Variants in FRK observed in about 807,000 individuals in gnomAD.
The protein encoded by FRK is fyn related Src family tyrosine kinase.
A neutral mutation model predicts 56.4 loss-of-function variants in FRK; 51 were observed. The ratio of observed to expected loss-of-function variants is 0.90; its 90% CI spans 0.72 to 1.14. The LOEUF is 1.14. Among genes scored for constraint, FRK ranks in the 50% most tolerant of loss-of-function variants. The probability of loss-of-function intolerance (pLI) is 0.00; values close to 1 mark genes in which losing one functional copy is unlikely to be tolerated. For synonymous variants in FRK, 245 were observed against 217.9 expected, an observed-to-expected ratio of 1.12 and a Z score of -1.10; for missense variants, 570 against 601.4, an observed-to-expected ratio of 0.95 and a Z score of 0.55.
At chr6:116,080,532 C>T in the FRK span, among the ~76,000 whole-genome samples, 1 of 152,198 alleles carries the variant, frequency 6.6e-6, no homozygotes, top group African/African-American at 2.4e-5. Context: ...AAATGTTAAA[C>T]TTCTATAACA....
rs34026302 is a variant in FRK, at chr6:115,953,180, A to ACTTTTTTTTTTTTTTTTTTTTTTTT, written c.958+3271_958+3272insAAAAAAAAAAAAAAAAAAAAAAAAG. ...AGAGTGGTACATCCATTTTAAGGCC[A>ACTTTTTTTTTTTTTTTTTTTTTTTT]TTTTTTTTTTTTTTTTTTTTTTTTT... On this transcript the variant is annotated intron_variant, in intron 5 of 7. Coordinates refer to ENST00000606080, the MANE Select transcript of FRK (RefSeq NM_002031.3). Among the ~76,000 whole-genome samples, 11 of 104,032 alleles carry ACTTTTTTTTTTTTTTTTTTTTTTTT rather than the reference A, an allele frequency of 1.1e-4. 5 individuals carry two copies. The highest frequency in any genetic ancestry group is 1.8e-4 in the African/African-American group (5 of 27,214). The allele number at this position is 104,032 out of a possible 152,430, so 68.2% of individuals were successfully genotyped here. A position where few individuals can be genotyped will look rare whatever the true frequency, so the allele number is the denominator to read the frequency against.
intron 2 of FRK, among the ~76,000 whole-genome samples, chr6:115,970,043 G>C (rs1391570404): frequency 6.6e-6 from 1 of 151,952 alleles, no homozygotes; most frequent in Non-Finnish European, 1.5e-5. Context: ...TCAATGATTA[G>C]TCAGGCTGGT....
the FRK span, among the ~76,000 whole-genome samples, chr6:116,074,628 A>G: frequency 6.6e-6 from 1 of 152,014 alleles, no homozygotes; most frequent in East Asian, 1.9e-4. Flanking sequence ...AGGACCATCC[A>G]TATATATCAA....
the FRK span, among the ~76,000 whole-genome samples, chr6:116,066,842 T>C: frequency 6.6e-6 from 1 of 152,186 alleles, no homozygotes; most frequent in East Asian, 1.9e-4. Flanking sequence ...ACCTAAATAA[T>C]GTATCATTAA....
the FRK span, among the ~76,000 whole-genome samples, chr6:116,075,080 CTG>C: frequency 2.6e-5 from 4 of 152,116 alleles, no homozygotes; most frequent in Non-Finnish European, 4.4e-5. Context: ...CAAGGCCCCT[CTG>C]ATTCTCTTTT....
At chr6:116,051,720 A>G (rs1357546403) in intron 1 of FRK, among the ~76,000 whole-genome samples, 1 of 152,158 alleles carries the variant, frequency 6.6e-6, no homozygotes, top group Non-Finnish European at 1.5e-5. Flanking sequence ...TTCAATGCTA[A>G]GAAGAGCTAA....
intron 1 of FRK, among the ~76,000 whole-genome samples, chr6:116,033,938 TG>T (rs374147965): frequency 1.1e-4 from 16 of 152,174 alleles, no homozygotes; most frequent in African/African-American, 3.6e-4. Context: ...GGTTCATTTG[TG>T]GACACTGCTG....
intron 1 of FRK, among the ~76,000 whole-genome samples, chr6:116,008,396 C>T (rs984540853): frequency 9.2e-5 from 14 of 152,146 alleles, no homozygotes; most frequent in Admixed American, 1.3e-4. Flanking sequence ...TGACTGAATG[C>T]ATCAATTCAC....
chr6:116,082,665 T>G, the FRK span, among the ~76,000 whole-genome samples: 5 of 152,310 alleles, frequency 3.3e-5, no homozygotes, highest in East Asian at 9.7e-4. Context: ...AGAGTTTCTA[T>G]TAACTAGCTC....
chr6:116,093,730 T>C, the FRK span, among the ~76,000 whole-genome samples: 1 of 152,308 alleles, frequency 6.6e-6, no homozygotes, highest in South Asian at 2.1e-4. Flanking sequence ...TGCAATGATG[T>C]CCACCATAAC....
In FRK at chr6:115,937,856, A is replaced by G. The variant is rs1254788332; in HGVS notation, c.*4558T>C. 6.6e-6 allele frequency: 1 copy of G among 152,256 alleles called. No individual in the cohort carries two copies. The highest frequency in any genetic ancestry group is 2.4e-5 in the African/African-American group (1 of 41,474). 9.4% of individuals were successfully genotyped at this position (152,256 alleles called of 1,614,324 possible). A position where few individuals can be genotyped will look rare whatever the true frequency, so the allele number is the denominator to read the frequency against. On this transcript the variant is annotated 3_prime_UTR_variant, in exon 8 of 8. Coordinates refer to ENST00000606080, the MANE Select transcript of FRK (RefSeq NM_002031.3). ...TTCTTAGAGAACTACAAAGAGACTT[A>G]GACTCCCACACAATAATAGTGGGAA...
intron 1 of FRK, among the ~76,000 whole-genome samples, chr6:116,025,312 T>G (rs1337243404): frequency 6.6e-6 from 1 of 152,208 alleles, no homozygotes; most frequent in Admixed American, 6.5e-5. Flanking sequence ...ATATTTGTTA[T>G]GAAAAGTTAT....
rs1329523311 is a variant in FRK at position 115,938,495 on chromosome 6, T to G, written c.*3919A>C. The G allele has an allele frequency of 6.6e-6, 1 of 152,132 alleles. No individual in the cohort carries two copies. Among genetic ancestry groups the G allele is most frequent in the East Asian group, 1.9e-4 (1 of 5,196 alleles). The allele number at this position is 152,132 out of a possible 1,614,324, so 9.4% of individuals were successfully genotyped here. On this transcript the variant is annotated 3_prime_UTR_variant, in exon 8 of 8. Transcript: ENST00000606080. ...AAGATCAGAACAGAACTGAAGGTGA[T>G]AGAGACATGAAAAACCTTTCAAAAA... is the stretch of plus-strand genomic sequence containing the variant.
the FRK span, among the ~76,000 whole-genome samples, chr6:116,082,200 G>C: frequency 6.6e-6 from 1 of 152,186 alleles, no homozygotes; most frequent in Admixed American, 6.5e-5. Context: ...AGCAGAGTGA[G>C]AGAAAAGATA....
At chr6:115,982,642 G>A (rs1774243519) in intron 2 of FRK, among the ~76,000 whole-genome samples, 1 of 152,054 alleles carries the variant, frequency 6.6e-6, no homozygotes, top group Admixed American at 6.6e-5. Context: ...GAGTGAACCA[G>A]GTGAACAACT....
the FRK span, among the ~76,000 whole-genome samples, chr6:116,092,439 G>T: frequency 6.6e-6 from 1 of 152,126 alleles, no homozygotes; most frequent in South Asian, 2.1e-4. Context: ...ACTAACAGGA[G>T]AATGCTTAGG....
chr6:116,074,402 G>A, the FRK span, among the ~76,000 whole-genome samples: 3 of 152,030 alleles, frequency 2.0e-5, no homozygotes, highest in East Asian at 3.9e-4. Context: ...CCTTCTTCTG[G>A]GTAATGAAAT....
intron 1 of FRK, among the ~76,000 whole-genome samples, chr6:116,012,961 T>C (rs960631186): frequency 2.0e-5 from 3 of 152,204 alleles, no homozygotes; most frequent in Non-Finnish European, 4.4e-5. Flanking sequence ...ATATCAGGGC[T>C]GTACACATGT....
At chr6:116,095,514 C>T in the FRK span, among the ~76,000 whole-genome samples, 2 of 152,108 alleles carry the variant, frequency 1.3e-5, no homozygotes, top group Non-Finnish European at 2.9e-5. Context: ...CATGTATTAT[C>T]CTAACGTCTA....
Sources: gnomAD v4.1 joint callset for allele counts (sites outside exome capture counted in the v4.1 genomes callset) on GRCh38, gnomAD v4.1.1 for gene constraint, MANE v1.5 for transcripts, NCBI Gene and HGNC (gene_info 2026-07-23, HGNC 2026-07-21) for gene names.